The following SLC4A5 variants were observed in gnomAD, a reference collection of about 807,000 sequenced individuals.
SLC4A5 encodes solute carrier family 4 member 5.
SLC4A5 carries 96 observed loss-of-function variants against 120.4 expected under a neutral mutation model. The observed-to-expected ratio is 0.80, with a 90% CI of 0.68 to 0.94. The LOEUF (loss-of-function observed/expected upper bound fraction) is 0.94. Ranked by LOEUF, SLC4A5 falls within the 40% of genes least tolerant of loss-of-function variation. The pLI is 0.00. For synonymous variants in SLC4A5, 550 were observed against 571.1 expected, an observed-to-expected ratio of 0.96 and a Z score of 0.53; for missense variants, 1,259 against 1,459.5, an observed-to-expected ratio of 0.86 and a Z score of 2.24.
chr2:74,253,127 A>G (rs1193136084), exon 15 of SLC4A5: 1 of 1,614,116 alleles, frequency 6.2e-7, no homozygotes. Flanking sequence ...GTCACTGAAG[A>G]GCTGGCGAGG....
chr2:74,242,454 A>G (rs1213863672), intron 19 of SLC4A5, among the ~76,000 whole-genome samples: 1 of 152,112 alleles, frequency 6.6e-6, no homozygotes, highest in East Asian at 1.9e-4. Context: ...AAGCCTTTAC[A>G]TATATTCATT....
At chr2:74,315,447 GAAAA>G (rs57640033) in intron 5 of SLC4A5, among the ~76,000 whole-genome samples, 2 of 83,130 alleles carry the variant, frequency 2.4e-5, no homozygotes, top group Admixed American at 2.7e-4. Flanking sequence ...CTTACGAAAA[GAAAA>G]AAAAAAAAAA....
At chr2:74,314,291 A>T (rs962680621) in intron 6 of SLC4A5, among the ~76,000 whole-genome samples, 19 of 152,088 alleles carry the variant, frequency 1.2e-4, no homozygotes, top group African/African-American at 4.6e-4. Flanking sequence ...TCTCACGGTA[A>T]GTATCTTGCA....
At chr2:74,261,542 C>T (rs924457861) in intron 11 of SLC4A5, among the ~76,000 whole-genome samples, 5 of 152,162 alleles carry the variant, frequency 3.3e-5, no homozygotes, top group African/African-American at 4.8e-5. Flanking sequence ...TTCTTTTTCA[C>T]TTCACTTTCT....
At chr2:74,269,262 A>G (rs531714657) in intron 8 of SLC4A5, among the ~76,000 whole-genome samples, 3 of 152,116 alleles carry the variant, frequency 2.0e-5, no homozygotes, top group Non-Finnish European at 2.9e-5. Flanking sequence ...GCTGGAGTGC[A>G]ATGGTGCAAG....
chr2:74,262,829 G>C (rs912745551), intron 10 of SLC4A5, among the ~76,000 whole-genome samples: 26 of 152,110 alleles, frequency 1.7e-4, no homozygotes, highest in African/African-American at 5.3e-4. Context: ...CCACTTAATG[G>C]CTTTGTGACC....
chr2:74,340,235 A>C (rs1380066825), intron 2 of SLC4A5, among the ~76,000 whole-genome samples: 4 of 152,258 alleles, frequency 2.6e-5, no homozygotes, highest in Non-Finnish European at 4.4e-5. Flanking sequence ...CATTTTAATA[A>C]AAATATTTCT....
At chr2:74,264,205 T>C (rs1558884969) in exon 10 of SLC4A5, 3 of 1,614,236 alleles carry the variant, frequency 1.9e-6, no homozygotes, top group Non-Finnish European at 2.5e-6. Flanking sequence ...GCTTCTTGGT[T>C]TGGTGGCGGT....
At chr2:74,257,616 G>T (rs1671010850) in intron 12 of SLC4A5, among the ~76,000 whole-genome samples, 1 of 152,058 alleles carries the variant, frequency 6.6e-6, no homozygotes, top group African/African-American at 2.4e-5. Context: ...GTCTCACTCT[G>T]TCGTAAAGGC....
chr2:74,260,317 T>C (rs1671095541), intron 11 of SLC4A5, among the ~76,000 whole-genome samples: 1 of 152,084 alleles, frequency 6.6e-6, no homozygotes, highest in African/African-American at 2.4e-5. Context: ...TCTCCTCCTC[T>C]CATTTCTGTC....
At chr2:74,295,309 GA>G (rs1205596902) in intron 7 of SLC4A5, among the ~76,000 whole-genome samples, 1 of 152,172 alleles carries the variant, frequency 6.6e-6, no homozygotes, top group Non-Finnish European at 1.5e-5. Flanking sequence ...GGATTTTTAA[GA>G]ACAGGGATAT....
Position 74,233,446 on chromosome 2 carries a change from G to A in SLC4A5, c.2551C>T (p.Gln851Ter). 6.2e-7 allele frequency: 1 copy of A among 1,614,238 alleles called. No homozygotes were observed. The highest frequency in any genetic ancestry group is 8.5e-7 in the Non-Finnish European group (1 of 1,180,042). ...CGGTTGACAATGACGGCAGTGATCTGCTGGTCCATGAAGATCAGGATGGTC... is the reference window on the plus strand; with the variant it reads ...CGGTTGACAATGACGGCAGTGATCTACTGGTCCATGAAGATCAGGATGGTC... Residue 851 changes from glutamine to a stop codon, truncating the protein, a stop_gained, in exon 23 of 31, where the codon CAG (glutamine) becomes TAG (stop). Coordinates refer to ENST00000394019, the Ensembl canonical transcript of SLC4A5. LOFTEE classifies it high-confidence loss of function.
intron 8 of SLC4A5, among the ~76,000 whole-genome samples, chr2:74,276,822 T>C (rs999905013): frequency 2.6e-5 from 4 of 151,984 alleles, no homozygotes; most frequent in African/African-American, 9.7e-5. Context: ...ACAGATCAGA[T>C]TCTCCATGAA....
chr2:74,340,581 A>G (rs1431428678), intron 2 of SLC4A5, among the ~76,000 whole-genome samples: 1 of 152,198 alleles, frequency 6.6e-6, no homozygotes, highest in Non-Finnish European at 1.5e-5. Context: ...GGTGTAGGAA[A>G]GGAATTTCCT....
chr2:74,285,734 G>C, intron 8 of SLC4A5, 39 bp downstream of exon 8: 2 of 1,601,438 alleles, frequency 1.2e-6, no homozygotes, highest in Non-Finnish European at 1.7e-6. Flanking sequence ...GGCTGTGTGA[G>C]ACTGAAGTGC....
At chr2:74,292,008 C>A (rs191039540) in intron 7 of SLC4A5, among the ~76,000 whole-genome samples, 1 of 152,136 alleles carries the variant, frequency 6.6e-6, no homozygotes, top group African/African-American at 2.4e-5. Context: ...GAGCCCAGAC[C>A]TGGGCTCAAC....
intron 21 of SLC4A5, among the ~76,000 whole-genome samples, chr2:74,237,963 G>A (rs1315249620): frequency 6.6e-6 from 1 of 152,058 alleles, no homozygotes. Flanking sequence ...TTAGCCGGGT[G>A]TGGTGGCAGG....
At chr2:74,339,188 G>A (rs1673567931) in intron 2 of SLC4A5, 1 of 152,198 alleles carries the variant, frequency 6.6e-6, no homozygotes, top group Non-Finnish European at 1.5e-5. Flanking sequence ...CTTTTAAATA[G>A]AATGAGGATA....
At chr2:74,259,718 A>G in intron 11 of SLC4A5, 75 bp from the exon 12 acceptor site, 1 of 1,399,324 alleles carries the variant, frequency 7.1e-7, no homozygotes, top group Non-Finnish European at 1.0e-6. Context: ...GGCCCTACTC[A>G]TGTACCTCTC....
Sources: allele counts gnomAD v4.1 joint callset (sites outside exome capture counted in the v4.1 genomes callset), GRCh38; gene constraint gnomAD v4.1.1; transcripts MANE v1.5; gene names NCBI Gene and HGNC (gene_info 2026-07-23, HGNC 2026-07-21).